The following SLC25A38 variants were observed in gnomAD, a reference collection of about 807,000 sequenced individuals.
The protein encoded by SLC25A38 is solute carrier family 25 member 38.
SLC25A38 carries 27 observed loss-of-function variants against 33.4 expected under a neutral mutation model. The observed-to-expected ratio is 0.81, with a 90% CI of 0.60 to 1.11. SLC25A38 has a LOEUF of 1.11. SLC25A38 is among the 50% of genes most tolerant of loss of function. SLC25A38 has a pLI of 0.00. For synonymous variants in SLC25A38, 123 were observed against 145.9 expected (o/e 0.84, Z 1.13); for missense variants, 344 against 388.8 (o/e 0.88, Z 0.97).
chr3:39,385,091 C>T (rs1243786584), intron 1 of SLC25A38, among the ~76,000 whole-genome samples: 6 of 152,134 alleles, frequency 3.9e-5, no homozygotes, highest in African/African-American at 7.2e-5. Context: ...TGTGAGCCAC[C>T]GCGCTTGGCC....
At position 39,394,407 on chromosome 3, in the gene SLC25A38, C is replaced by T; in HGVS notation, c.626-3C>T. On this transcript the variant is annotated splice_polypyrimidine_tract_variant and splice_region_variant and intron_variant, in intron 5 of 6. Coordinates refer to ENST00000650617, the MANE Select transcript of SLC25A38 (RefSeq NM_017875.4). ...TCCACATGTTACCTTTGTTCTATTT[C>T]AGACCAGGTGGATGCAACCCTTATT... 1 of 1,612,458 alleles carries T rather than the reference C, an allele frequency of 6.2e-7. No homozygotes were observed. Among genetic ancestry groups the T allele is most frequent in the East Asian group, 2.2e-5 (1 of 44,870 alleles).
chr3:39,396,599 C>T lies in SLC25A38; in HGVS notation c.*79C>T. Reference sequence around the variant, plus strand: ...AGGGCTGCTGCTTCTTACTATTCTGCAGTAAGATGAAGTCCTACCTGGAAA... The same window carrying T: ...AGGGCTGCTGCTTCTTACTATTCTGTAGTAAGATGAAGTCCTACCTGGAAA... On this transcript the variant is annotated 3_prime_UTR_variant, in exon 7 of 7. Coordinates refer to ENST00000650617, the MANE Select transcript of SLC25A38 (RefSeq NM_017875.4). 1 of 1,606,218 alleles carries T rather than the reference C, an allele frequency of 6.2e-7. No homozygotes were observed.
At chr3:39,393,197 A>G (rs1395181853) in intron 5 of SLC25A38, among the ~76,000 whole-genome samples, 2 of 152,132 alleles carry the variant, frequency 1.3e-5, no homozygotes, top group Non-Finnish European at 2.9e-5. Flanking sequence ...GAGGCACGAG[A>G]ATCGCTTAAG....
chr3:39,386,785 A>T (rs2041711891), intron 1 of SLC25A38, among the ~76,000 whole-genome samples: 1 of 152,136 alleles, frequency 6.6e-6, no homozygotes, highest in Non-Finnish European at 1.5e-5. Flanking sequence ...GATGGTGCTC[A>T]GGTTTCTGGC....
At chr3:39,384,526 C>G in intron 1 of SLC25A38, 1 of 379,896 alleles carries the variant, frequency 2.6e-6, no homozygotes, top group Non-Finnish European at 4.6e-6. Context: ...TTTTTTAATC[C>G]TTAAAGGCGG....
chr3:39,393,966 C>T (rs1441903345), intron 5 of SLC25A38, among the ~76,000 whole-genome samples: 6 of 152,168 alleles, frequency 3.9e-5, no homozygotes, highest in Non-Finnish European at 5.9e-5. Flanking sequence ...GATGTTGTAT[C>T]CTCACTGCTT....
At position 39,391,582 on chromosome 3, in the gene SLC25A38, T is replaced by C. The variant is rs1173744298; in HGVS notation, c.418T>C (p.Cys140Arg). 1 of 1,614,096 alleles carries C rather than the reference T, an allele frequency of 6.2e-7. No homozygotes were observed. Among genetic ancestry groups the C allele is most frequent in the Non-Finnish European group, 8.5e-7 (1 of 1,180,038 alleles). The change falls in exon 4 of 7, where the codon TGT (cysteine) becomes CGT (arginine). Residue 140 changes from cysteine to arginine, a missense_variant. By Grantham distance (180) the Cys-to-Arg change is radical. Around this residue, in one of 2 missense-constraint regions of SLC25A38, gnomAD observed 269 missense variants for 271.8 expected, o/e 0.99. Transcript: ENST00000650617. ...GVGSRSVAGV[C>R]MSPITVIKTR... Reference sequence around the variant, plus strand: ...GGGCTCTCGCTCTGTTGCAGGGGTCTGTATGTCACCTATCACTGTAATCAA... The same window carrying C: ...GGGCTCTCGCTCTGTTGCAGGGGTCCGTATGTCACCTATCACTGTAATCAA...
At chr3:39,395,797 T>C (rs1462570693) in intron 6 of SLC25A38, among the ~76,000 whole-genome samples, 1 of 151,916 alleles carries the variant, frequency 6.6e-6, no homozygotes, top group Non-Finnish European at 1.5e-5. Flanking sequence ...TGGGGCTTAG[T>C]GCTTCTGTAC....
chr3:39,384,539 A>G (rs2041688427), intron 1 of SLC25A38: 1 of 393,286 alleles, frequency 2.5e-6, no homozygotes, highest in Non-Finnish European at 4.5e-6. Context: ...AAAGGCGGAG[A>G]CGGCGGCGGT....
At chr3:39,394,763 A>G (rs2041809725) in intron 6 of SLC25A38, among the ~76,000 whole-genome samples, 187 bp downstream of exon 6, 1 of 151,984 alleles carries the variant, frequency 6.6e-6, no homozygotes, top group African/African-American at 2.4e-5. Flanking sequence ...TTCCCCAGTG[A>G]TTTTAATATG....
rs1259727887 is a variant in SLC25A38 at position 39,384,756 on chromosome 3, C to CT, written c.69+969dup. Reference sequence around the variant, plus strand: ...TCTTTCTCCCCTTAAAAAGAAACTACTTTTTTATTTACCTTGAATATATTT... The same window carrying CT: ...TCTTTCTCCCCTTAAAAAGAAACTACTTTTTTTATTTACCTTGAATATATTT... On this transcript the variant is annotated intron_variant, in intron 1 of 6. Coordinates refer to ENST00000650617, the MANE Select transcript of SLC25A38 (RefSeq NM_017875.4). 7 of 396,548 alleles carry CT rather than the reference C, an allele frequency of 1.8e-5. 1 individual carries two copies. The East Asian group carries it at 2.5e-4, about 14-fold the overall frequency. The allele number at this position is 396,548 out of a possible 1,614,324, so 24.6% of individuals were successfully genotyped here.
chr3:39,393,287 C>T (rs1255840555), intron 5 of SLC25A38, among the ~76,000 whole-genome samples: 1 of 151,722 alleles, frequency 6.6e-6, no homozygotes. Context: ...AAGTGAGACT[C>T]CGTCTCAAAA....
chr3:39,394,436 A>T lies in SLC25A38; in HGVS notation c.652A>T (p.Ile218Phe), dbSNP rs764125735. Residue 218 changes from isoleucine to phenylalanine, a missense_variant, in exon 6 of 7, where the codon ATT (isoleucine) becomes TTT (phenylalanine). Coordinates refer to ENST00000650617, the MANE Select transcript of SLC25A38 (RefSeq NM_017875.4). ...HDQVDATLIP[I>F]TNFSCGIFAG... Reference sequence around the variant, plus strand: ...CCAGGTGGATGCAACCCTTATTCCTATTACAAATTTCAGCTGTGGGATATT... The same window carrying T: ...CCAGGTGGATGCAACCCTTATTCCTTTTACAAATTTCAGCTGTGGGATATT... The T allele has an allele frequency of 1.7e-5, 28 of 1,613,252 alleles. No individual in the cohort carries two copies. In the Admixed American group the frequency reaches 2.0e-4, roughly 12 times the overall value.
At chr3:39,391,360 G>A (rs2041764270) in intron 3 of SLC25A38, 81 bp from the exon 4 acceptor site, 1 of 1,590,126 alleles carries the variant, frequency 6.3e-7, no homozygotes, top group Admixed American at 1.7e-5. Flanking sequence ...ATCATCTTGG[G>A]GTCTTTTGGG....
chr3:39,393,424 C>T (rs2041796067), intron 5 of SLC25A38, among the ~76,000 whole-genome samples: 1 of 152,150 alleles, frequency 6.6e-6, no homozygotes, highest in African/African-American at 2.4e-5. Flanking sequence ...CTTTAAGTAC[C>T]TCAGTGTCTA....
chr3:39,391,749 G>T, intron 4 of SLC25A38, 104 bp from the exon 5 acceptor site: 1 of 1,601,128 alleles, frequency 6.2e-7, no homozygotes, highest in East Asian at 2.2e-5. Context: ...CAAGCCATAT[G>T]TGAACTAGAT....
At position 39,383,463 on chromosome 3, in the gene SLC25A38, C is replaced by G. The variant is rs887291402; in HGVS notation, c.-262C>G. 6 of 531,396 alleles carry G rather than the reference C, an allele frequency of 1.1e-5. No homozygotes were observed. Among genetic ancestry groups the G allele is most frequent in the South Asian group, 2.0e-5 (1 of 49,186 alleles). 32.9% of individuals were successfully genotyped at this position (531,396 alleles called of 1,614,324 possible). On this transcript the variant is annotated 5_prime_UTR_variant, in exon 1 of 7. Transcript: ENST00000650617. Reference sequence around the variant, plus strand: ...CAGCAGGGCAGGATGGGCAGGAGAGCAGAGCCGCGGAGTCTGCGGCGCGGG... The same window carrying G: ...CAGCAGGGCAGGATGGGCAGGAGAGGAGAGCCGCGGAGTCTGCGGCGCGGG...
intron 5 of SLC25A38, among the ~76,000 whole-genome samples, chr3:39,393,960 T>G (rs2041802873): frequency 6.6e-6 from 1 of 152,230 alleles, no homozygotes; most frequent in Admixed American, 6.5e-5. Context: ...ATAAGTGATG[T>G]TGTATCCTCA....
intron 1 of SLC25A38, chr3:39,384,831 C>T (rs1407168264): frequency 1.8e-5 from 7 of 383,614 alleles, no homozygotes; most frequent in Non-Finnish European, 2.7e-5. Flanking sequence ...GACAGAGTCT[C>T]GCCCTGTCGC....
Sources: gnomAD v4.1 joint callset for allele counts (sites outside exome capture counted in the v4.1 genomes callset) on GRCh38, gnomAD v4.1.1 for gene constraint, gnomAD v4.1.1 regional missense constraint, MANE v1.5 for transcripts, NCBI Gene and HGNC (gene_info 2026-07-23, HGNC 2026-07-21) for gene names.